Variants in SLC25A27 observed in about 807,000 individuals in gnomAD.
SLC25A27 encodes the protein solute carrier family 25 member 27.
A neutral mutation model predicts 49.1 loss-of-function variants in SLC25A27; 35 were observed. The observed-to-expected ratio is 0.71, with a 90% CI of 0.54 to 0.95. SLC25A27 has a LOEUF of 0.95. SLC25A27 is among the 40% of genes least tolerant of loss of function. The probability of loss-of-function intolerance (pLI) is 0.00; values close to 1 mark genes in which losing one functional copy is unlikely to be tolerated. For missense variants in SLC25A27, 339 were observed against 397.1 expected (o/e 0.85, Z 1.24); for synonymous variants, 144 against 136.9 (o/e 1.05, Z -0.36).
At chr6:46,666,035 T>TCTGCTGAAA (rs1466346256) in intron 5 of SLC25A27, among the ~76,000 whole-genome samples, 120 of 152,350 alleles carry the variant, frequency 7.9e-4, no homozygotes, top group African/African-American at 2.7e-3. Flanking sequence ...GGTGCAGTAA[T>TCTGCTGAAA]GAGCTGAAAG....
Position 46,677,005 on chromosome 6 carries a change from C to A in SLC25A27, c.*551C>A. On this transcript the variant is annotated 3_prime_UTR_variant, in exon 9 of 9. Coordinates refer to ENST00000371347, the MANE Select transcript of SLC25A27 (RefSeq NM_004277.5). ...TAATGAATAAACATTTTGAGTTTCC[C>A]TAGTGTTGAAGGAAGGTGTACTTTT... 3.5e-6 allele frequency: 1 copy of A among 286,680 alleles called. No homozygotes were observed. The highest frequency in any genetic ancestry group is 6.5e-6 in the Non-Finnish European group (1 of 153,778). 17.8% of individuals were successfully genotyped at this position (286,680 alleles called of 1,614,324 possible).
chr6:46,658,615 GA>G (rs1763064712), intron 2 of SLC25A27: 2 of 388,366 alleles, frequency 5.1e-6, no homozygotes, highest in Non-Finnish European at 9.9e-6. Context: ...AGATAAGCAA[GA>G]AGAGTTAATT....
Position 46,653,234 on chromosome 6 carries a change from C to T in SLC25A27, c.42C>T (p.Thr14=), listed in dbSNP as rs753698435. 2 of 1,613,696 alleles carry T rather than the reference C, an allele frequency of 1.2e-6. No homozygotes were observed. Among genetic ancestry groups the T allele is most frequent in the Non-Finnish European group, 1.7e-6 (2 of 1,179,754 alleles). ...AGGAGGAGAGGCTTTTGCCGCTGACCCAGAGATGGCCCCGAGCGAGCAAAT... is the reference window on the plus strand; with the variant it reads ...AGGAGGAGAGGCTTTTGCCGCTGACTCAGAGATGGCCCCGAGCGAGCAAAT... ...PEEEERLLPL[T]QRWPRASKFL... The change falls in exon 1 of 9, where the codon ACC becomes ACT. Residue 14 remains threonine, a synonymous_variant. Coordinates refer to ENST00000371347, the MANE Select transcript of SLC25A27 (RefSeq NM_004277.5).
chr6:46,655,014 A>T (rs1207300540), intron 1 of SLC25A27, among the ~76,000 whole-genome samples: 5 of 152,210 alleles, frequency 3.3e-5, no homozygotes, highest in Admixed American at 3.3e-4. Context: ...TTCCTTATGT[A>T]GGCCGTTTAG....
rs776045129 is a variant in SLC25A27, at chr6:46,655,937, C to T, written c.201C>T (p.Pro67=). Residue 67 remains proline (P), a synonymous_variant, in exon 2 of 9, where the codon CCC becomes CCT. Transcript: ENST00000371347. Reference sequence around the variant, plus strand: ...GAGACGGTGCAAGAGAATCTGCCCCCTATAGGGGAATGGTGCGCACAGCTC... The same window carrying T: ...GAGACGGTGCAAGAGAATCTGCCCCTTATAGGGGAATGGTGCGCACAGCTC... The part of the protein sequence containing the change: ...RLGDGARESA[P]YRGMVRTALG... 6.2e-7 allele frequency: 1 copy of T among 1,613,924 alleles called. No individual in the cohort carries two copies. The highest frequency in any genetic ancestry group is 1.1e-5 in the South Asian group (1 of 91,072).
At chr6:46,671,847 TAAA>T (rs1328368548) in intron 8 of SLC25A27, among the ~76,000 whole-genome samples, 4 of 151,924 alleles carry the variant, frequency 2.6e-5, no homozygotes, top group African/African-American at 7.2e-5. Context: ...GCAAATATAA[TAAA>T]AACAAAGTGC....
chr6:46,655,535 G>GGTTTTTTTTTTTTTTTTTTTTTTTTT (rs1562033662), intron 1 of SLC25A27, among the ~76,000 whole-genome samples: 1 of 10,710 alleles, frequency 9.3e-5, no homozygotes, highest in Non-Finnish European at 2.0e-4. Flanking sequence ...GTTAATGTTT[G>GGTTTTTTTTTTTTTTTTTTTTTTTTT]TTTTTTTTTT....
intron 7 of SLC25A27, chr6:46,670,526 G>A (rs945511595): frequency 3.3e-6 from 1 of 305,450 alleles, no homozygotes; most frequent in South Asian, 3.8e-5. Context: ...TTCTTCAGAC[G>A]CTTATGACTT....
intron 3 of SLC25A27, among the ~76,000 whole-genome samples, chr6:46,659,348 G>A (rs1763086829): frequency 6.6e-6 from 1 of 152,078 alleles, no homozygotes; most frequent in South Asian, 2.1e-4. Context: ...ACAGGGATGG[G>A]CTCAAATTCC....
At chr6:46,658,603 A>G in intron 2 of SLC25A27, 1 of 385,316 alleles carries the variant, frequency 2.6e-6, no homozygotes, top group Non-Finnish European at 5.0e-6. Flanking sequence ...GGTCTGATGG[A>G]AAGATAAGCA....
At chr6:46,675,478 A>G (rs1211159990) in intron 8 of SLC25A27, among the ~76,000 whole-genome samples, 1 of 152,202 alleles carries the variant, frequency 6.6e-6, no homozygotes, top group Non-Finnish European at 1.5e-5. Flanking sequence ...GTGAATTCTC[A>G]GTTTACTAAT....
At chr6:46,662,730 C>A (rs552708533) in intron 4 of SLC25A27, among the ~76,000 whole-genome samples, 1 of 152,094 alleles carries the variant, frequency 6.6e-6, no homozygotes, top group South Asian at 2.1e-4. Context: ...GCTGCTTTTC[C>A]CAGCCAAGGC....
At chr6:46,672,210 A>T (rs923845856) in intron 8 of SLC25A27, among the ~76,000 whole-genome samples, 1 of 152,120 alleles carries the variant, frequency 6.6e-6, no homozygotes, top group Non-Finnish European at 1.5e-5. Context: ...AGGGCAGGAA[A>T]AAAAACATTC....
chr6:46,670,548 G>A (rs1393473504), intron 7 of SLC25A27: 2 of 268,516 alleles, frequency 7.4e-6, no homozygotes, highest in South Asian at 4.8e-5. Flanking sequence ...AGTAGGTAAC[G>A]TGGAGAATCT....
intron 4 of SLC25A27, among the ~76,000 whole-genome samples, chr6:46,664,348 G>A (rs547991995): frequency 1.3e-5 from 2 of 152,160 alleles, no homozygotes; most frequent in African/African-American, 4.8e-5. Context: ...TTTTTTATGA[G>A]ATTAATTGTT....
intron 5 of SLC25A27, among the ~76,000 whole-genome samples, chr6:46,668,027 A>G (rs938899610): frequency 1.3e-5 from 2 of 152,166 alleles, no homozygotes; most frequent in Admixed American, 1.3e-4. Flanking sequence ...AAACCCTTCC[A>G]TAGCTCTTCA....
intron 8 of SLC25A27, among the ~76,000 whole-genome samples, chr6:46,675,749 C>T (rs182380816): frequency 3.3e-4 from 50 of 152,216 alleles, no homozygotes; most frequent in African/African-American, 1.1e-3. Context: ...CCTCTTCTAA[C>T]CCTTATTCTT....
chr6:46,675,402 C>T (rs1490851833), intron 8 of SLC25A27, among the ~76,000 whole-genome samples: 1 of 152,142 alleles, frequency 6.6e-6, no homozygotes, highest in African/African-American at 2.4e-5. Flanking sequence ...GCTTTATATT[C>T]CTTATTTCAT....
chr6:46,662,496 G>C lies in SLC25A27; in HGVS notation c.504G>C (p.Leu168Phe). 1 of 1,613,684 alleles carries C rather than the reference G, an allele frequency of 6.2e-7. No homozygotes were observed. The highest frequency in any genetic ancestry group is 8.5e-7 in the Non-Finnish European group (1 of 1,179,852). Reference protein sequence around the residue: ...EGKRKLEGKPLRFRGVHHAFA... With the variant: ...EGKRKLEGKPFRFRGVHHAFA... ...AAAGGAAACTGGAAGGAAAACCATT[G>C]CGGTAAGTTCTCCAATTAACCAATA... The change falls in exon 4 of 9, where the codon TTG (leucine) becomes TTC (phenylalanine). Residue 168 changes from leucine to phenylalanine, a missense_variant and splice_region_variant. Transcript: ENST00000371347.
Sources: allele counts gnomAD v4.1 joint callset (sites outside exome capture counted in the v4.1 genomes callset), GRCh38; gene constraint gnomAD v4.1.1; transcripts MANE v1.5; gene names NCBI Gene and HGNC (gene_info 2026-07-23, HGNC 2026-07-21).